Variants in SYNGR1 observed in about 807,000 individuals in gnomAD.
The protein encoded by SYNGR1 is synaptogyrin 1, also known as synaptogyrin-1.
A neutral mutation model predicts 26.1 loss-of-function variants in SYNGR1; 14 were observed. That is an observed-to-expected ratio of 0.54 (90% CI 0.35 to 0.84). SYNGR1 has a LOEUF of 0.84. Among genes scored for constraint, SYNGR1 ranks in the 40% least tolerant of loss-of-function variants. The pLI is 0.01. For missense variants in SYNGR1, 319 were observed against 332.9 expected, an observed-to-expected ratio of 0.96 and a Z score of 0.33; for synonymous variants, 141 against 150.1, an observed-to-expected ratio of 0.94 and a Z score of 0.44.
chr22:39,362,514 A>G (rs940623375), intron 1 of SYNGR1, among the ~76,000 whole-genome samples: 129 of 151,786 alleles, frequency 8.5e-4, no homozygotes, highest in African/African-American at 3.0e-3. Flanking sequence ...AACACCCATC[A>G]TGTGTCCATG....
rs1925517216 is a variant in SYNGR1, at chr22:39,382,030, C to T, written c.*116C>T. On this transcript the variant is annotated 3_prime_UTR_variant, in exon 4 of 4. Transcript: ENST00000328933. ...CCTCATCAGCCTCTGCCTTGTCCCA[C>T]TGAGGTCCAGGGTAGCTCGGGGCAG... 1 of 1,217,548 alleles carries T rather than the reference C, an allele frequency of 8.2e-7. No homozygotes were observed. Among genetic ancestry groups the T allele is most frequent in the Non-Finnish European group, 1.2e-6 (1 of 860,188 alleles). The allele number at this position is 1,217,548 out of a possible 1,614,324, so 75.4% of individuals were successfully genotyped here. A position where few individuals can be genotyped will look rare whatever the true frequency, so the allele number is the denominator to read the frequency against.
At position 39,382,055 on chromosome 22, in the gene SYNGR1, G is replaced by A. The variant is rs7289425; in HGVS notation, c.*141G>A. On this transcript the variant is annotated 3_prime_UTR_variant, in exon 4 of 4. Coordinates refer to ENST00000328933, the MANE Select transcript of SYNGR1 (RefSeq NM_004711.5). Reference sequence around the variant, plus strand: ...CTGAGGTCCAGGGTAGCTCGGGGCAGGGGTGGGGCAGTCCAGTGTTGGGGA... The same window carrying A: ...CTGAGGTCCAGGGTAGCTCGGGGCAAGGGTGGGGCAGTCCAGTGTTGGGGA... 0.012 allele frequency: 10,258 copies of A among 891,218 alleles called. 713 individuals carry two copies. In the African/African-American group the frequency reaches 0.15, roughly 13 times the overall value. The allele number at this position is 891,218 out of a possible 1,614,324, so 55.2% of individuals were successfully genotyped here. A position where few individuals can be genotyped will look rare whatever the true frequency, so the allele number is the denominator to read the frequency against.
chr22:39,369,521 G>T (rs1353544968), intron 1 of SYNGR1, among the ~76,000 whole-genome samples: 1 of 152,114 alleles, frequency 6.6e-6, no homozygotes, highest in Non-Finnish European at 1.5e-5. Flanking sequence ...GGGTCTCTGG[G>T]AGTAAATTCC....
In SYNGR1 at chr22:39,374,517, C is replaced by T. The variant is rs1475542001; in HGVS notation, c.301C>T (p.Arg101Cys). 7 of 1,613,510 alleles carry T rather than the reference C, an allele frequency of 4.3e-6. No individual in the cohort carries two copies. Among genetic ancestry groups the T allele is most frequent in the African/African-American group, 1.3e-5 (1 of 74,902 alleles). Residue 101 changes from arginine (R) to cysteine (C), a missense_variant, in exon 2 of 4, where the codon CGC (arginine) becomes TGC (cysteine). Coordinates refer to ENST00000328933, the MANE Select transcript of SYNGR1 (RefSeq NM_004711.5). Reference sequence around the variant, plus strand: ...CCCGCAGATCAGCAGCGTCAAGGACCGCAAGAAAGCCGTCCTGTCCGACAT... The same window carrying T: ...CCCGCAGATCAGCAGCGTCAAGGACTGCAAGAAAGCCGTCCTGTCCGACAT... ...YFPQISSVKD[R>C]KKAVLSDIGV...
chr22:39,350,189 C>T lies in SYNGR1; in HGVS notation c.99+80C>T. 1.0e-6 allele frequency: 1 copy of T among 985,848 alleles called. No homozygotes were observed. The allele number at this position is 985,848 out of a possible 1,614,324, so 61.1% of individuals were successfully genotyped here. A position where few individuals can be genotyped will look rare whatever the true frequency, so the allele number is the denominator to read the frequency against. On this transcript the variant is annotated intron_variant, in intron 1 of 3. Coordinates refer to ENST00000328933, the MANE Select transcript of SYNGR1 (RefSeq NM_004711.5). The surrounding 1 kb of genome is among the most constrained non-coding windows in gnomAD (Gnocchi z 4.3). ...AAAGGCGGCGCGCCCGGACCGACCC[C>T]GACCCCGACCCCAACGGGCCCCCGG...
At position 39,356,612 on chromosome 22, in the gene SYNGR1, G is replaced by A. The variant is rs1189697268; in HGVS notation, c.99+6503G>A. Among the ~76,000 whole-genome samples the A allele has an allele frequency of 8.5e-5, 13 of 152,180 alleles. 1 individual carries two copies. The East Asian group carries it at 2.5e-3, about 29-fold the overall frequency. ...GGGAAGAGAGGAGGAGAAGCCAGGA[G>A]GAGGAGGGAGGGAGGAAGGGAGAGG... On this transcript the variant is annotated intron_variant, in intron 1 of 3. Transcript: ENST00000328933.
At chr22:39,377,128 ACT>A in intron 3 of SYNGR1, 10 of 1,525,500 alleles carry the variant, frequency 6.6e-6, no homozygotes, top group Non-Finnish European at 8.8e-6. Context: ...CTGCAAGGAG[ACT>A]CTTGAGGCTA....
At chr22:39,360,326 C>T (rs754564630) in intron 1 of SYNGR1, among the ~76,000 whole-genome samples, 37 of 152,172 alleles carry the variant, frequency 2.4e-4, no homozygotes, top group Non-Finnish European at 4.4e-4. Flanking sequence ...GGAAGACACT[C>T]CCTCATCCAT....
At chr22:39,374,963 TC>T in intron 2 of SYNGR1, 1 of 274,730 alleles carries the variant, frequency 3.6e-6, no homozygotes, top group Non-Finnish European at 7.1e-6. Context: ...AGCCTCAGCC[TC>T]CCCACGCCTC....
In SYNGR1 at chr22:39,360,619, C is replaced by T. The variant is rs540156360; in HGVS notation, c.99+10510C>T. 4.6e-5 allele frequency among the ~76,000 whole-genome samples: 7 copies of T among 152,356 alleles called. No homozygotes were observed. The South Asian group carries it at 1.0e-3, about 23-fold the overall frequency. ...TGTGGACACCCTCACCCCGCTCGTC[C>T]TCTCTTTAATATACATGCTGAGCAC... On this transcript the variant is annotated intron_variant, in intron 1 of 3. Coordinates refer to ENST00000328933, the MANE Select transcript of SYNGR1 (RefSeq NM_004711.5).
intron 1 of SYNGR1, chr22:39,364,040 C>T: frequency 7.9e-7 from 1 of 1,270,482 alleles, no homozygotes; most frequent in Non-Finnish European, 1.1e-6. Flanking sequence ...TCGCCCTGAG[C>T]CTTCGTTAGC....
In SYNGR1 at chr22:39,385,480, T is replaced by C. The variant is rs1296454571; in HGVS notation, c.*3566T>C. The stretch of plus-strand genomic sequence containing the variant: ...GTCTCGAGTGAATCCAGTGGCCCCG[T>C]GGCACCCTCCTTTATGACATCCATC... On this transcript the variant is annotated 3_prime_UTR_variant, in exon 4 of 4. Transcript: ENST00000328933. 1 of 152,728 alleles carries C rather than the reference T, an allele frequency of 6.5e-6. No homozygotes were observed. Among genetic ancestry groups the C allele is most frequent in the Non-Finnish European group, 1.5e-5 (1 of 68,070 alleles). The allele number at this position is 152,728 out of a possible 1,614,324, so 9.5% of individuals were successfully genotyped here.
chr22:39,362,559 G>A (rs1050612484), intron 1 of SYNGR1, among the ~76,000 whole-genome samples: 1 of 152,182 alleles, frequency 6.6e-6, no homozygotes, highest in African/African-American at 2.4e-5. Context: ...GACCCTGGGG[G>A]AAGACAAGGC....
Position 39,385,271 on chromosome 22 carries a change from C to T in SYNGR1, c.*3357C>T, listed in dbSNP as rs917496097. The T allele has an allele frequency of 2.0e-5, 7 of 341,970 alleles. No homozygotes were observed. Among genetic ancestry groups the T allele is most frequent in the Admixed American group, 4.8e-5 (1 of 21,022 alleles). The allele number at this position is 341,970 out of a possible 1,614,324, so 21.2% of individuals were successfully genotyped here. A position where few individuals can be genotyped will look rare whatever the true frequency, so the allele number is the denominator to read the frequency against. ...ATGTCCTGGTGCGCACAGCCCTTGT[C>T]GGTGCCCCGGCCCCTCCCGCAGCGT... On this transcript the variant is annotated 3_prime_UTR_variant, in exon 4 of 4. Coordinates refer to ENST00000328933, the MANE Select transcript of SYNGR1 (RefSeq NM_004711.5).
At chr22:39,358,394 A>T (rs1453969461) in intron 1 of SYNGR1, among the ~76,000 whole-genome samples, 8 of 152,200 alleles carry the variant, frequency 5.3e-5, no homozygotes, top group African/African-American at 1.2e-4. Context: ...TGCATTGGCA[A>T]CCTGCTCAGT....
intron 2 of SYNGR1, 124 bp from the exon 3 acceptor site, chr22:39,375,928 T>C: frequency 3.1e-6 from 4 of 1,299,516 alleles, no homozygotes; most frequent in Non-Finnish European, 4.5e-6. Context: ...CCTTTGGGGG[T>C]GGGGGAGCAT....
intron 2 of SYNGR1, chr22:39,375,677 G>A (rs1900773762): frequency 1.7e-6 from 1 of 573,314 alleles, no homozygotes; most frequent in Non-Finnish European, 3.1e-6. Context: ...GGGGGCCCAC[G>A]TCAGCGGTGT....
In SYNGR1 at chr22:39,362,212, A is replaced by G. The variant is rs148657398; in HGVS notation, c.99+12103A>G. 5.2e-4 allele frequency among the ~76,000 whole-genome samples: 79 copies of G among 152,184 alleles called. 1 individual carries two copies. The East Asian group carries it at 9.3e-3, about 18-fold the overall frequency. On this transcript the variant is annotated intron_variant, in intron 1 of 3. Coordinates refer to ENST00000328933, the MANE Select transcript of SYNGR1 (RefSeq NM_004711.5). ...GGTTACTCAGCCAGAGGAGAGGAAG[A>G]TGGGGCATTCTGGAAAGAGGGAGGG...
chr22:39,374,754 G>T (rs1776584473), intron 2 of SYNGR1: 5 of 628,650 alleles, frequency 8.0e-6, no homozygotes, highest in Admixed American at 2.7e-5. Flanking sequence ...AATAACCCAT[G>T]CTGCCCACAG....
Sources: gnomAD v4.1 joint callset for allele counts (sites outside exome capture counted in the v4.1 genomes callset) on GRCh38, gnomAD v4.1.1 for gene constraint, Gnocchi (gnomAD v3.1) non-coding constraint, MANE v1.5 for transcripts, NCBI Gene and HGNC (gene_info 2026-07-23, HGNC 2026-07-21) for gene names.